SYN2: variants seen among roughly 807,000 people sequenced by gnomAD.
SYN2 encodes the protein synapsin-2.
Under a neutral mutation model 50.9 loss-of-function variants are expected in SYN2, and 19 were observed. The observed-to-expected ratio is 0.37, with a 90% CI of 0.26 to 0.55. The LOEUF (loss-of-function observed/expected upper bound fraction) is 0.55. SYN2 is among the 20% of genes least tolerant of loss of function. The probability of loss-of-function intolerance (pLI) is 0.81; values close to 1 mark genes in which losing one functional copy is unlikely to be tolerated. For synonymous variants in SYN2, 255 were observed against 224.9 expected, an observed-to-expected ratio of 1.13 and a Z score of -1.20; for missense variants, 587 against 576.4, an observed-to-expected ratio of 1.02 and a Z score of -0.19.
intron 1 of SYN2, among the ~76,000 whole-genome samples, chr3:12,132,511 A>G (rs968108283): frequency 6.6e-6 from 1 of 152,116 alleles, no homozygotes; most frequent in African/African-American, 2.4e-5. Flanking sequence ...GTGTAGGGTC[A>G]CTCAGTGTTT....
chr3:12,010,440 A>G (rs1487245531), intron 1 of SYN2, among the ~76,000 whole-genome samples: 2 of 152,228 alleles, frequency 1.3e-5, no homozygotes, highest in African/African-American at 4.8e-5. Flanking sequence ...ATGGGAGAGG[A>G]CAGGCATTTA....
chr3:12,188,419 G>A (rs1343445196), intron 12 of SYN2, among the ~76,000 whole-genome samples: 2 of 152,192 alleles, frequency 1.3e-5, no homozygotes, highest in African/African-American at 4.8e-5. Flanking sequence ...ACCACCTTCA[G>A]CACAGACAGC....
At chr3:12,159,556 C>T (rs985651585) in intron 5 of SYN2, among the ~76,000 whole-genome samples, 3 of 152,160 alleles carry the variant, frequency 2.0e-5, no homozygotes, top group African/African-American at 7.2e-5. Context: ...AACCCTTTCT[C>T]ACTCCCAGAG....
chr3:12,006,721 C>G (rs1200031548), intron 1 of SYN2, among the ~76,000 whole-genome samples: 1 of 152,062 alleles, frequency 6.6e-6, no homozygotes, highest in African/African-American at 2.4e-5. Flanking sequence ...GTGTGGGGGC[C>G]TTTTAAGAGA....
chr3:12,184,918 C>T (rs533216534), intron 11 of SYN2: 1 of 985,664 alleles, frequency 1.0e-6, no homozygotes, highest in Non-Finnish European at 1.2e-6. Flanking sequence ...TTTACATTCC[C>T]TTCCACCTCT....
At chr3:12,147,895 C>T (rs1289581563) in intron 4 of SYN2, among the ~76,000 whole-genome samples, 3 of 152,044 alleles carry the variant, frequency 2.0e-5, no homozygotes, top group East Asian at 1.9e-4. Context: ...AGGCACATCA[C>T]GAGGTCAGGA....
intron 1 of SYN2, among the ~76,000 whole-genome samples, chr3:12,107,017 G>T (rs1345857720): frequency 6.7e-6 from 1 of 148,464 alleles, no homozygotes; most frequent in East Asian, 2.0e-4. Context: ...GTATGTTTGT[G>T]TGTGTGTGTG....
Position 12,051,030 on chromosome 3 carries a change from C to T in SYN2, c.377+46102C>T, listed in dbSNP as rs143655637. Among the ~76,000 whole-genome samples the T allele has an allele frequency of 4.9e-3, 748 of 152,104 alleles. 5 individuals are homozygous for T. The highest frequency in any genetic ancestry group is 0.017 in the African/African-American group (688 of 41,518). On this transcript the variant is annotated intron_variant, in intron 1 of 12. Coordinates refer to ENST00000621198, the MANE Select transcript of SYN2 (RefSeq NM_133625.6). Reference sequence around the variant, plus strand: ...GATTACAGGCGTGAGCCACCGCGCCCGGCCTCTTTTTTTTATTTCTATATA... The same window carrying T: ...GATTACAGGCGTGAGCCACCGCGCCTGGCCTCTTTTTTTTATTTCTATATA...
chr3:12,137,910 T>A (rs1696932355), intron 1 of SYN2, among the ~76,000 whole-genome samples: 1 of 152,196 alleles, frequency 6.6e-6, no homozygotes, highest in Admixed American at 6.5e-5. Flanking sequence ...GATAGATTGA[T>A]TGATTGGTTT....
At chr3:12,071,075 A>C (rs1233528630) in intron 1 of SYN2, 2 of 561,222 alleles carry the variant, frequency 3.6e-6, no homozygotes. Context: ...ACCACCTTCA[A>C]CTCCATCATG....
chr3:12,057,692 T>C (rs781666277), intron 1 of SYN2, among the ~76,000 whole-genome samples: 2 of 152,222 alleles, frequency 1.3e-5, no homozygotes, highest in Non-Finnish European at 2.9e-5. Context: ...TCTTAATTTA[T>C]GGATAACTGG....
At chr3:12,043,714 A>C (rs952761692) in intron 1 of SYN2, among the ~76,000 whole-genome samples, 2 of 152,188 alleles carry the variant, frequency 1.3e-5, no homozygotes, top group African/African-American at 2.4e-5. Flanking sequence ...AAAGAAATGC[A>C]CCGTGGATTA....
intron 1 of SYN2, among the ~76,000 whole-genome samples, chr3:12,025,701 C>T (rs1021381861): frequency 7.9e-5 from 12 of 151,944 alleles, no homozygotes; most frequent in Admixed American, 7.9e-4. Context: ...CCCTGAAAGT[C>T]CGTCATATAA....
At chr3:12,095,931 A>G (rs1208570007) in intron 1 of SYN2, among the ~76,000 whole-genome samples, 1 of 151,864 alleles carries the variant, frequency 6.6e-6, no homozygotes, top group African/African-American at 2.4e-5. Context: ...CCCCACTTGC[A>G]GTTCTTATGT....
intron 1 of SYN2, among the ~76,000 whole-genome samples, chr3:12,062,730 A>C (rs967011126): frequency 5.3e-5 from 8 of 152,058 alleles, no homozygotes; most frequent in African/African-American, 1.4e-4. Flanking sequence ...TCATGCTCCT[A>C]GGTATTTACC....
chr3:12,124,215 C>A (rs1172065481), intron 1 of SYN2, among the ~76,000 whole-genome samples: 1 of 151,620 alleles, frequency 6.6e-6, no homozygotes, highest in African/African-American at 2.4e-5. Context: ...CTTGACTGTA[C>A]AAAGTAATAA....
At position 12,023,202 on chromosome 3, in the gene SYN2, T is replaced by TA. The variant is rs35299870; in HGVS notation, c.377+18285dup. The stretch of plus-strand genomic sequence containing the variant: ...TGTAAATTCAAAAGTGCTTTATAAA[T>TA]AAAAAAAAAAATCATTGTCATCACC... On this transcript the variant is annotated intron_variant, in intron 1 of 12. Transcript: ENST00000621198. Among the ~76,000 whole-genome samples the TA allele has an allele frequency of 3.9e-3, 573 of 146,934 alleles. 7 individuals carry two copies. Among genetic ancestry groups the TA allele is most frequent in the African/African-American group, 9.2e-3 (369 of 40,100 alleles).
chr3:12,018,370 G>A (rs185819547), intron 1 of SYN2, among the ~76,000 whole-genome samples: 57 of 152,338 alleles, frequency 3.7e-4, no homozygotes, highest in Non-Finnish European at 8.8e-5. Flanking sequence ...AAAGGAAGAA[G>A]TTTGGATAAG....
intron 1 of SYN2, among the ~76,000 whole-genome samples, chr3:12,089,756 GA>G (rs1164222303): frequency 4.6e-5 from 7 of 152,184 alleles, no homozygotes; most frequent in Non-Finnish European, 8.8e-5. Context: ...TGTCTAGGGG[GA>G]GTCAAGGGAA....
Sources: gnomAD v4.1 joint callset for allele counts (sites outside exome capture counted in the v4.1 genomes callset) on GRCh38, gnomAD v4.1.1 for gene constraint, MANE v1.5 for transcripts, NCBI Gene and HGNC (gene_info 2026-07-23, HGNC 2026-07-21) for gene names.